The following ARHGEF37 variants were observed in gnomAD, a reference collection of about 807,000 sequenced individuals.
ARHGEF37 encodes Rho guanine nucleotide exchange factor (GEF) 37.
A neutral mutation model predicts 71.1 loss-of-function variants in ARHGEF37; 55 were observed. That is an observed-to-expected ratio of 0.77 (90% CI 0.62 to 0.97). ARHGEF37 has a LOEUF of 0.97. Among genes scored for constraint, ARHGEF37 ranks in the 50% least tolerant of loss-of-function variants. The pLI is 0.00. For missense variants in ARHGEF37, 765 were observed against 836.8 expected (o/e 0.91, Z 1.06); for synonymous variants, 327 against 350.6 (o/e 0.93, Z 0.75).
rs763864634 is a variant in ARHGEF37 at position 149,618,305 on chromosome 5, G to C, written c.788G>C (p.Arg263Thr). The C allele has an allele frequency of 1.2e-6, 2 of 1,614,140 alleles. No homozygotes were observed. Among genetic ancestry groups the C allele is most frequent in the South Asian group, 1.1e-5 (1 of 91,060 alleles). Reference sequence around the variant, plus strand: ...AAGCAGGAGGCGGGGCTGATCCCCAGGGTGAGCGTGCGCCTGGGAGGAAGA... The same window carrying C: ...AAGCAGGAGGCGGGGCTGATCCCCACGGTGAGCGTGCGCCTGGGAGGAAGA... ...LLKQEAGLIP[R>T]TEDKEFDDLE... The change falls in exon 6 of 13, where the codon AGG (arginine) becomes ACG (threonine). Residue 263 changes from arginine (R) to threonine (T), a missense_variant and splice_region_variant. Arg to Thr is a moderately conservative substitution (Grantham distance 71). Transcript: ENST00000333677.
At chr5:149,587,895 T>TTTTC (rs1561790104) in intron 1 of ARHGEF37, among the ~76,000 whole-genome samples, 2 of 28,320 alleles carry the variant, frequency 7.1e-5, no homozygotes, top group Non-Finnish European at 1.1e-4. Flanking sequence ...CCCTTTAGTC[T>TTTTC]TTTTTTTTTT....
chr5:149,629,878 C>A (rs971365800), intron 12 of ARHGEF37, among the ~76,000 whole-genome samples: 1 of 152,194 alleles, frequency 6.6e-6, no homozygotes, highest in Non-Finnish European at 1.5e-5. Context: ...AATGAAACAC[C>A]GGTACATGCT....
intron 1 of ARHGEF37, among the ~76,000 whole-genome samples, chr5:149,575,188 C>T (rs1247896808): frequency 1.3e-5 from 2 of 152,212 alleles, no homozygotes; most frequent in African/African-American, 4.8e-5. Flanking sequence ...TTTCTGAAAA[C>T]ACAAGCTAGT....
At chr5:149,595,480 C>T (rs1401031914) in intron 1 of ARHGEF37, among the ~76,000 whole-genome samples, 1 of 152,142 alleles carries the variant, frequency 6.6e-6, no homozygotes, top group African/African-American at 2.4e-5. Flanking sequence ...TGTGCCCAGC[C>T]CTATTTGGTA....
intron 2 of ARHGEF37, among the ~76,000 whole-genome samples, chr5:149,599,653 G>C (rs1348940101): frequency 6.6e-6 from 1 of 152,080 alleles, no homozygotes; most frequent in East Asian, 1.9e-4. Context: ...CACTGTGAGA[G>C]TTACTATTAC....
At chr5:149,573,094 AC>A (rs536749964) in intron 1 of ARHGEF37, among the ~76,000 whole-genome samples, 36 of 152,130 alleles carry the variant, frequency 2.4e-4, no homozygotes, top group Non-Finnish European at 4.7e-4. Context: ...TGGCTTTATA[AC>A]AACTTACTCT....
Position 149,632,009 on chromosome 5 carries a change from A to C in ARHGEF37, c.1846A>C (p.Arg616=), listed in dbSNP as rs759259812. Residue 616 remains arginine, a synonymous_variant, in exon 13 of 13, where the codon AGA becomes CGA. Transcript: ENST00000333677. The stretch of plus-strand genomic sequence containing the variant: ...CATAGCCGCGTACCCTTTTGTGGCC[A>C]GAAGCAGCCATGAAGTGAGCCTGCA... ...QVIAAYPFVA[R]SSHEVSLQAG... The C allele has an allele frequency of 1.2e-6, 2 of 1,614,260 alleles. No individual in the cohort carries two copies. Among genetic ancestry groups the C allele is most frequent in the Non-Finnish European group, 1.7e-6 (2 of 1,180,038 alleles).
At position 149,601,434 on chromosome 5, in the gene ARHGEF37, C is replaced by T. The variant is rs372548991; in HGVS notation, c.310+203C>T. On this transcript the variant is annotated intron_variant, in intron 3 of 12. Transcript: ENST00000333677. ...TCCAGTCCCATTGCTTTACAGAGAC[C>T]GAGCCCCAGAGACAGAGAGGAACAT... Among the ~76,000 whole-genome samples the T allele has an allele frequency of 6.6e-5, 10 of 152,224 alleles. 1 individual carries two copies. The highest frequency in any genetic ancestry group is 1.9e-4 in the East Asian group (1 of 5,186).
At chr5:149,564,491 A>C (rs1353957887) in intron 1 of ARHGEF37, among the ~76,000 whole-genome samples, 1 of 152,120 alleles carries the variant, frequency 6.6e-6, no homozygotes, top group Admixed American at 6.6e-5. Context: ...CCTGGGAAGG[A>C]AACTGCTCAT....
intron 1 of ARHGEF37, among the ~76,000 whole-genome samples, chr5:149,565,829 ATTTTTTTTTT>A (rs201683478): frequency 3.8e-4 from 32 of 84,568 alleles, no homozygotes; most frequent in Admixed American, 6.8e-4. Context: ...AGAAACTCTA[ATTTTTTTTTT>A]TTTTTTTTTT....
At chr5:149,612,589 A>C (rs1752230859) in intron 4 of ARHGEF37, among the ~76,000 whole-genome samples, 1 of 152,264 alleles carries the variant, frequency 6.6e-6, no homozygotes, top group African/African-American at 2.4e-5. Flanking sequence ...ATAGAGTCCA[A>C]GTGTGACAAA....
In ARHGEF37 at chr5:149,609,644, G is replaced by A. The variant is rs71586130; in HGVS notation, c.407G>A (p.Arg136Gln). 7.8e-5 allele frequency: 126 copies of A among 1,612,788 alleles called. No homozygotes were observed. The highest frequency in any genetic ancestry group is 2.9e-4 in the South Asian group (26 of 91,012). Residue 136 changes from arginine to glutamine, a missense_variant, in exon 4 of 13, where the codon CGG becomes CAG. Physicochemically the swap from Arg to Gln is conservative, Grantham distance 43. Transcript: ENST00000333677. ...GCCTTGCTACTGGTGGACACGTACC[G>A]GAAGGAGCCGGAGCTGCAGCGGCAC... Reference protein sequence around the residue: ...DQALLLVDTYRKEPELQRHIQ... With the variant: ...DQALLLVDTYQKEPELQRHIQ...
intron 4 of ARHGEF37, among the ~76,000 whole-genome samples, chr5:149,612,777 G>A (rs1752236504): frequency 6.6e-6 from 1 of 152,244 alleles, no homozygotes; most frequent in African/African-American, 2.4e-5. Context: ...ACTTTCCAGA[G>A]CCTGGCCAAT....
At chr5:149,610,554 G>A (rs955996880) in intron 4 of ARHGEF37, among the ~76,000 whole-genome samples, 11 of 152,136 alleles carry the variant, frequency 7.2e-5, no homozygotes, top group African/African-American at 1.9e-4. Flanking sequence ...GACAACAGGC[G>A]TGAGCCACCA....
At chr5:149,615,546 C>G (rs748496677) in intron 4 of ARHGEF37, among the ~76,000 whole-genome samples, 2 of 151,996 alleles carry the variant, frequency 1.3e-5, no homozygotes, top group African/African-American at 2.4e-5. Flanking sequence ...TGACTTTTTA[C>G]CCCTAAATAC....
intron 3 of ARHGEF37, among the ~76,000 whole-genome samples, chr5:149,607,319 T>A (rs1763940304): frequency 6.6e-6 from 1 of 152,268 alleles, no homozygotes; most frequent in Non-Finnish European, 1.5e-5. Flanking sequence ...AGCACTGTCC[T>A]GCCTCAGGGC....
upstream of ARHGEF37, among the ~76,000 whole-genome samples, chr5:149,576,530 A>G (rs1763030806): frequency 6.6e-6 from 1 of 152,236 alleles, no homozygotes; most frequent in African/African-American, 2.4e-5. Context: ...TACATTAGTA[A>G]TGAGGCTACT....
chr5:149,579,863 GCGTGAACCAC>G (rs1300676799), upstream of ARHGEF37, among the ~76,000 whole-genome samples: 1 of 151,952 alleles, frequency 6.6e-6, no homozygotes, highest in East Asian at 1.9e-4. Context: ...GGGATTACAG[GCGTGAACCAC>G]CGTGCCCCGC....
In ARHGEF37 at chr5:149,587,091, G is replaced by A. The variant is rs185877064; in HGVS notation, c.-12+5467G>A. ...CTCAGAGTGGCTTAGGGAAAAGGGG[G>A]ATGAGGAATAAAAATGTATTCACTC... is the stretch of plus-strand genomic sequence containing the variant. On this transcript the variant is annotated intron_variant, in intron 1 of 12. Transcript: ENST00000333677. 1.6e-3 allele frequency among the ~76,000 whole-genome samples: 242 copies of A among 152,248 alleles called. 2 individuals carry two copies. Among genetic ancestry groups the A allele is most frequent in the Non-Finnish European group, 1.9e-4 (13 of 68,018 alleles).
Sources: gnomAD v4.1 joint callset for allele counts (sites outside exome capture counted in the v4.1 genomes callset) on GRCh38, gnomAD v4.1.1 for gene constraint, MANE v1.5 for transcripts, NCBI Gene and HGNC (gene_info 2026-07-23, HGNC 2026-07-21) for gene names.